VDR: variants seen among roughly 807,000 people sequenced by gnomAD.
VDR encodes the protein vitamin D receptor.
VDR carries 19 observed loss-of-function variants against 39.7 expected under a neutral mutation model. The ratio of observed to expected loss-of-function variants is 0.48; its 90% confidence interval spans 0.33 to 0.70. VDR has a LOEUF of 0.70. VDR is among the 30% of genes least tolerant of loss of function. The pLI, the probability that VDR is intolerant of heterozygous loss-of-function variation, is 0.02. For missense variants in VDR, 442 were observed against 570.5 expected, an observed-to-expected ratio of 0.77 and a Z score of 2.29; for synonymous variants, 242 against 215.8, an observed-to-expected ratio of 1.12 and a Z score of -1.07.
rs199870357 is a variant in VDR at position 47,881,830 on chromosome 12, C to T, written c.-3+864G>A. 4.6e-5 allele frequency among the ~76,000 whole-genome samples: 7 copies of T among 152,184 alleles called. No individual in the cohort carries two copies. In the East Asian group the frequency reaches 9.6e-4, roughly 21 times the overall value. On this transcript the variant is annotated intron_variant, in intron 2 of 9. Coordinates refer to ENST00000549336, the MANE Select transcript of VDR (RefSeq NM_000376.3). Reference sequence around the variant, plus strand: ...CACATTCAAGATGTGGCCAGCATCCCGGAGGCCCAATATCATTGTGGGGTA... The same window carrying T: ...CACATTCAAGATGTGGCCAGCATCCTGGAGGCCCAATATCATTGTGGGGTA...
rs1424011781 is a variant in VDR at position 47,876,722 on chromosome 12, C to T, written c.146+2246G>A. Among the ~76,000 whole-genome samples, 6 of 152,364 alleles carry T rather than the reference C, an allele frequency of 3.9e-5. No homozygotes were observed. The East Asian group carries it at 1.2e-3, about 29-fold the overall frequency. The stretch of plus-strand genomic sequence containing the variant: ...GCCATCTTTCACACTCAGCCTGGGG[C>T]ATGACAGGACCTGTCCTCTCTCCAC... On this transcript the variant is annotated intron_variant, in intron 3 of 9. Transcript: ENST00000549336.
intron 6 of VDR, 152 bp from the exon 7 acceptor site, chr12:47,855,953 T>C: frequency 1.2e-6 from 1 of 856,388 alleles, no homozygotes; most frequent in Non-Finnish European, 1.9e-6. Context: ...GCCCCAGGCT[T>C]CCCTCTGGGA....
intron 7 of VDR, among the ~76,000 whole-genome samples, chr12:47,847,841 C>T (rs1028191017): frequency 3.3e-5 from 5 of 152,242 alleles, no homozygotes; most frequent in Admixed American, 6.5e-5. Context: ...CTCCTGGGCT[C>T]AAGCAGTCCT....
At chr12:47,852,145 G>A (rs1945400224) in intron 7 of VDR, among the ~76,000 whole-genome samples, 1 of 152,152 alleles carries the variant, frequency 6.6e-6, no homozygotes, top group South Asian at 2.1e-4. Flanking sequence ...TTCTTTTTAG[G>A]GCAGCTTTCC....
intron 3 of VDR, among the ~76,000 whole-genome samples, chr12:47,872,846 C>T (rs1945911814): frequency 6.6e-6 from 1 of 152,228 alleles, no homozygotes; most frequent in Non-Finnish European, 1.5e-5. Context: ...CTAGCTATCA[C>T]CACTGGAAGC....
chr12:47,878,889 T>C (rs960575524), intron 3 of VDR, 79 bp downstream of exon 3: 12 of 1,608,678 alleles, frequency 7.5e-6, no homozygotes, highest in African/African-American at 2.7e-5. Context: ...ATGTGAAAAA[T>C]GCAAGGGCTC....
chr12:47,903,394 C>T (rs551497948), intron 1 of VDR, among the ~76,000 whole-genome samples: 12 of 152,334 alleles, frequency 7.9e-5, no homozygotes, highest in South Asian at 4.1e-4. Context: ...TTCTGTTCAA[C>T]GATCTCTAGC....
Position 47,848,656 on chromosome 12 carries a change from TC to T in VDR, c.756-1849del, listed in dbSNP as rs544664249. 2.7e-3 allele frequency among the ~76,000 whole-genome samples: 351 copies of T among 130,672 alleles called. 2 individuals are homozygous for T. Among genetic ancestry groups the T allele is most frequent in the Admixed American group, 6.0e-3 (63 of 10,574 alleles). 85.7% of individuals were successfully genotyped at this position (130,672 alleles called of 152,430 possible). A position where few individuals can be genotyped will look rare whatever the true frequency, so the allele number is the denominator to read the frequency against. ...ATCTTGGCTCACTGCAACCTCCACC[TC>T]CCAGGTTCAAGCAATTCTCCTACCT... On this transcript the variant is annotated intron_variant, in intron 7 of 9. Coordinates refer to ENST00000549336, the MANE Select transcript of VDR (RefSeq NM_000376.3).
chr12:47,862,114 C>T (rs1432133520), intron 4 of VDR, among the ~76,000 whole-genome samples: 1 of 152,214 alleles, frequency 6.6e-6, no homozygotes, highest in African/African-American at 2.4e-5. Context: ...AAACATCAAA[C>T]AAGTTACCAC....
In VDR at chr12:47,856,993, C is replaced by T. The variant is rs11574086; in HGVS notation, c.583+136G>A. On this transcript the variant is annotated intron_variant, in intron 6 of 9. Coordinates refer to ENST00000549336, the MANE Select transcript of VDR (RefSeq NM_000376.3). ...TAACAGAGGGGCTGTTGTGAAGACG[C>T]TGCATAGCGCACAGTATTTATGTAA... 7.4e-4 allele frequency: 1,022 copies of T among 1,373,986 alleles called. 14 individuals are homozygous for T. In the East Asian group the frequency reaches 0.022, roughly 29 times the overall value. 85.1% of individuals were successfully genotyped at this position (1,373,986 alleles called of 1,614,324 possible).
chr12:47,880,131 C>G (rs987937090), intron 2 of VDR, among the ~76,000 whole-genome samples: 5 of 152,140 alleles, frequency 3.3e-5, no homozygotes, highest in African/African-American at 1.2e-4. Context: ...TTATCTGAAT[C>G]CTCAAAAGGG....
chr12:47,897,721 T>C (rs1351983671), intron 1 of VDR, among the ~76,000 whole-genome samples: 1 of 152,174 alleles, frequency 6.6e-6, no homozygotes, highest in Non-Finnish European at 1.5e-5. Flanking sequence ...GCATCGCCTC[T>C]GTTCCCTCCA....
intron 6 of VDR, 102 bp from the exon 7 acceptor site, chr12:47,855,903 C>G (rs1945478941): frequency 7.0e-7 from 1 of 1,421,430 alleles, no homozygotes; most frequent in African/African-American, 1.4e-5. Flanking sequence ...GCAGCAGAGC[C>G]AGCTGGGAAT....
At position 47,865,343 on chromosome 12, in the gene VDR, C is replaced by T. The variant is rs12717991; in HGVS notation, c.147-166G>A. 0.37 allele frequency among the ~76,000 whole-genome samples: 56,536 copies of T among 152,022 alleles called. 10,932 individuals are homozygous for T. Among genetic ancestry groups the T allele is most frequent in the East Asian group, 0.7 (3,609 of 5,166 alleles). ...TCTCACCTCTAGGCTGGGCACCAAA[C>T]GATTCCTACTTCTCCTTTCATTGCC... is the stretch of plus-strand genomic sequence containing the variant. On this transcript the variant is annotated intron_variant, in intron 3 of 9. Transcript: ENST00000549336.
intron 2 of VDR, among the ~76,000 whole-genome samples, chr12:47,882,178 G>C (rs906340461): frequency 1.3e-5 from 2 of 152,158 alleles, no homozygotes; most frequent in Non-Finnish European, 1.5e-5. Context: ...CTCTATGCTG[G>C]GGGTGAAGGC....
chr12:47,863,237 T>G (rs954550276), intron 4 of VDR, among the ~76,000 whole-genome samples: 3 of 152,184 alleles, frequency 2.0e-5, no homozygotes, highest in African/African-American at 7.2e-5. Flanking sequence ...AGTCCCAGCT[T>G]GGCCACCAAC....
At chr12:47,885,630 C>T (rs7974905) in intron 1 of VDR, among the ~76,000 whole-genome samples, 3,671 of 152,320 alleles carry the variant, frequency 0.024, 143 homozygotes, top group African/African-American at 0.083. Flanking sequence ...GAAGTCTGAC[C>T]GCTAATGTCT....
chr12:47,846,764 G>T lies in VDR; in HGVS notation c.800C>A (p.Ala267Asp). 6.2e-7 allele frequency: 1 copy of T among 1,614,200 alleles called. No individual in the cohort carries two copies. The highest frequency in any genetic ancestry group is 8.5e-7 in the Non-Finnish European group (1 of 1,180,040). The change falls in exon 8 of 10, where the codon GCC (alanine) becomes GAC (aspartate). Residue 267 changes from alanine to aspartate, a missense_variant. Ala to Asp is a moderately radical substitution (Grantham distance 126). Coordinates refer to ENST00000549336, the MANE Select transcript of VDR (RefSeq NM_000376.3). ...GGAGCGCAACATGATGACCTCAATG[G>T]CACTTGACTTCAGCAGTACGATCTG... ...EDQIVLLKSSAIEVIMLRSNE... is the reference protein window; with the variant it reads ...EDQIVLLKSSDIEVIMLRSNE...
At chr12:47,898,074 G>T (rs1946494841) in intron 1 of VDR, among the ~76,000 whole-genome samples, 1 of 152,206 alleles carries the variant, frequency 6.6e-6, no homozygotes, top group Non-Finnish European at 1.5e-5. Flanking sequence ...AGACCACCAA[G>T]TGTTTGGGAG....
Sources: allele counts gnomAD v4.1 joint callset (sites outside exome capture counted in the v4.1 genomes callset), GRCh38; gene constraint gnomAD v4.1.1; transcripts MANE v1.5; gene names NCBI Gene and HGNC (gene_info 2026-07-23, HGNC 2026-07-21).